The following MBD4 variants were observed in gnomAD, a reference collection of about 807,000 sequenced individuals.
The protein encoded by MBD4 is methyl-CpG-binding domain protein 4.
In MBD4, 53 loss-of-function variants were observed where a neutral mutation model predicts 60.2. The ratio of observed to expected loss-of-function variants is 0.88; its 90% CI spans 0.71 to 1.11. The LOEUF is 1.11. MBD4 is among the 50% of genes least tolerant of loss of function. The pLI, the probability that MBD4 is intolerant of heterozygous loss-of-function variation, is 0.00. For synonymous variants in MBD4, 231 were observed against 229.8 expected, an observed-to-expected ratio of 1.01 and a Z score of -0.05; for missense variants, 619 against 674.0, an observed-to-expected ratio of 0.92 and a Z score of 0.90.
chr3:129,433,668 TAA>T, intron 5 of MBD4, 180 bp downstream of exon 5: 1 of 665,494 alleles, frequency 1.5e-6, no homozygotes, highest in Non-Finnish European at 2.6e-6. Context: ...CTCTTTATTC[TAA>T]AAGGTCTGTT....
At chr3:129,439,674 C>G (rs1422231019) in intron 1 of MBD4, 56 bp downstream of exon 1, 2 of 1,102,774 alleles carry the variant, frequency 1.8e-6, no homozygotes, top group African/African-American at 3.1e-5. Context: ...TGTCCACTCT[C>G]CCGATACCAT....
At position 129,432,299 on chromosome 3, in the gene MBD4, G is replaced by A. The variant is rs374840393; in HGVS notation, c.1647+204C>T. 1.6e-5 allele frequency: 24 copies of A among 1,489,772 alleles called. No homozygotes were observed. The East Asian group carries it at 2.7e-4, about 17-fold the overall frequency. The allele number at this position is 1,489,772 out of a possible 1,614,324, so 92.3% of individuals were successfully genotyped here. A position where few individuals can be genotyped will look rare whatever the true frequency, so the allele number is the denominator to read the frequency against. On this transcript the variant is annotated intron_variant, in intron 7 of 7. Transcript: ENST00000429544. ...CTGGAGATGAGTCAGAGGCCACGCC[G>A]CTGGACTGGTCTTTGTGGACTTGGG...
chr3:129,439,304 A>G (rs564416762), intron 1 of MBD4, among the ~76,000 whole-genome samples: 11 of 152,354 alleles, frequency 7.2e-5, no homozygotes, highest in Admixed American at 2.6e-4. Flanking sequence ...TACCAGCTGT[A>G]AGTTTAGCAG....
chr3:129,437,007 G>A lies in MBD4; in HGVS notation c.637C>T (p.Leu213Phe). 1 of 1,614,094 alleles carries A rather than the reference G, an allele frequency of 6.2e-7. No homozygotes were observed. Reference sequence around the variant, plus strand: ...TCAACACCCTCATCTTCTTTCAAAAGCAAATGAGTGGAAGTAAAGTTAGAG... The same window carrying A: ...TCAACACCCTCATCTTCTTTCAAAAACAAATGAGTGGAAGTAAAGTTAGAG... ...GLSNFTSTHLLLKEDEGVDDV... is the reference protein window; with the variant it reads ...GLSNFTSTHLFLKEDEGVDDV... Residue 213 changes from leucine to phenylalanine, a missense_variant, in exon 3 of 8, where the codon CTT (leucine) becomes TTT (phenylalanine). Leu to Phe is a conservative substitution (Grantham distance 22). Coordinates refer to ENST00000429544, the MANE Select transcript of MBD4 (RefSeq NM_001276270.2).
In MBD4 at chr3:129,431,556, A is replaced by T. The variant is rs200758755; in HGVS notation, c.1670T>A (p.Leu557Ter). 5.4e-5 allele frequency: 87 copies of T among 1,612,848 alleles called. No homozygotes were observed. The highest frequency in any genetic ancestry group is 6.8e-5 in the Non-Finnish European group (80 of 1,179,752). Residue 557 changes from leucine to a stop codon, truncating the protein, a stop_gained, in exon 8 of 8, where the codon TTA (leucine) becomes TAA (stop). Transcript: ENST00000429544. LOFTEE classifies it high-confidence loss of function. ...CCAAAGCCAGTCATGATATTTATTTAATTTGTGGTCTTCAGGGTGCACCTG... is the reference window on the plus strand; with the variant it reads ...CCAAAGCCAGTCATGATATTTATTTTATTTGTGGTCTTCAGGGTGCACCTG... ...WKQVHPEDHK[L>*]NKYHDWLWEN...
intron 6 of MBD4, among the ~76,000 whole-genome samples, chr3:129,432,860 T>C (rs1366280609): frequency 6.6e-6 from 1 of 152,222 alleles, no homozygotes; most frequent in Admixed American, 6.5e-5. Flanking sequence ...GGCTTTCTGC[T>C]TCACTGACTT....
In MBD4 at chr3:129,433,899, A is replaced by T. The variant is rs1054351182; in HGVS notation, c.1344T>A (p.His448Gln). Residue 448 changes from histidine (H) to glutamine (Q), a missense_variant, in exon 5 of 8, where the codon CAT becomes CAA. Physicochemically the swap from His to Gln is conservative, Grantham distance 24. Coordinates refer to ENST00000429544, the MANE Select transcript of MBD4 (RefSeq NM_001276270.2). ...TAGCGATGAGAAGCTTCCATGGATC[A>T]TGAAAAAGTGTTTCTTGAACGAGAT... The part of the protein sequence containing the change: ...PFNLVQETLF[H>Q]DPWKLLIATI... The T allele has an allele frequency of 6.2e-7, 1 of 1,614,072 alleles. No individual in the cohort carries two copies. The highest frequency in any genetic ancestry group is 1.3e-5 in the African/African-American group (1 of 74,938).
chr3:129,437,964 G>A lies in MBD4; in HGVS notation c.105-14C>T. 1 of 1,480,176 alleles carries A rather than the reference G, an allele frequency of 6.8e-7. No individual in the cohort carries two copies. The highest frequency in any genetic ancestry group is 1.1e-5 in the South Asian group (1 of 88,274). The allele number at this position is 1,480,176 out of a possible 1,614,324, so 91.7% of individuals were successfully genotyped here. On this transcript the variant is annotated splice_polypyrimidine_tract_variant and intron_variant, in intron 1 of 7. Coordinates refer to ENST00000429544, the MANE Select transcript of MBD4 (RefSeq NM_001276270.2). ...ACATCTTCTTTGCTGGAAAAACAAA[G>A]TCTAAGTGATTAACTTATTTAAAAT...
In MBD4 at chr3:129,437,902, T is replaced by C; in HGVS notation, c.153A>G (p.Glu51=). 6.2e-7 allele frequency: 1 copy of C among 1,613,962 alleles called. No individual in the cohort carries two copies. Among genetic ancestry groups the C allele is most frequent in the South Asian group, 1.1e-5 (1 of 91,078 alleles). The change falls in exon 2 of 8, where the codon GAA becomes GAG. Residue 51 remains glutamate, a synonymous_variant. Coordinates refer to ENST00000429544, the MANE Select transcript of MBD4 (RefSeq NM_001276270.2). ...CACTGCTTCTTTTTATCATCATTTG[T>C]TCCTCATCTTCTCCCACTCTTTCCA... ...MELERVGEDE[E]QMMIKRSSEC...
At position 129,431,374 on chromosome 3, in the gene MBD4, A is replaced by T. The variant is rs1451509508; in HGVS notation, c.*127T>A. 2.6e-6 allele frequency: 2 copies of T among 756,584 alleles called. No homozygotes were observed. Among genetic ancestry groups the T allele is most frequent in the Non-Finnish European group, 2.4e-6 (1 of 424,746 alleles). 46.9% of individuals were successfully genotyped at this position (756,584 alleles called of 1,614,324 possible). A position where few individuals can be genotyped will look rare whatever the true frequency, so the allele number is the denominator to read the frequency against. ...CCATTGGCACACACATTAAGAAAGCACACACACTAGGCTTCTAGTTGGGCT... is the reference window on the plus strand; with the variant it reads ...CCATTGGCACACACATTAAGAAAGCTCACACACTAGGCTTCTAGTTGGGCT... On this transcript the variant is annotated 3_prime_UTR_variant, in exon 8 of 8. Transcript: ENST00000429544.
At chr3:129,431,613 T>A in intron 7 of MBD4, 35 bp from the exon 8 acceptor site, 1 of 1,423,536 alleles carries the variant, frequency 7.0e-7, no homozygotes, top group Non-Finnish European at 9.9e-7. Flanking sequence ...GCAGAGACCT[T>A]AATGTAACTT....
intron 1 of MBD4, among the ~76,000 whole-genome samples, chr3:129,438,311 A>C (rs2072529705): frequency 6.6e-6 from 1 of 152,236 alleles, no homozygotes; most frequent in African/African-American, 2.4e-5. Context: ...ATGCTTAAAT[A>C]AATCAGTGAG....
intron 1 of MBD4, among the ~76,000 whole-genome samples, chr3:129,438,742 G>A (rs67970798): frequency 0.13 from 19,893 of 148,852 alleles, 1,649 homozygotes; most frequent in South Asian, 0.24. Context: ...CCTCGTCTTT[G>A]CAAAAAATGA....
chr3:129,437,154 T>A lies in MBD4; in HGVS notation c.490A>T (p.Thr164Ser). Residue 164 changes from threonine to serine, a missense_variant, in exon 3 of 8, where the codon ACA becomes TCA. Physicochemically the swap from Thr to Ser is moderately conservative, Grantham distance 58. Transcript: ENST00000429544. ...TTACTTTGGTTTTGTAGATGGGATGTCAGGGCTGCCATGCTGCAGTCTTTA... is the reference window on the plus strand; with the variant it reads ...TTACTTTGGTTTTGTAGATGGGATGACAGGGCTGCCATGCTGCAGTCTTTA... ...RYKDCSMAALTSHLQNQSNNS... is the reference protein window; with the variant it reads ...RYKDCSMAALSSHLQNQSNNS... The A allele has an allele frequency of 6.2e-7, 1 of 1,614,076 alleles. No homozygotes were observed. Among genetic ancestry groups the A allele is most frequent in the Non-Finnish European group, 8.5e-7 (1 of 1,179,960 alleles).
intron 7 of MBD4, chr3:129,432,210 C>T (rs1046683713): frequency 5.0e-5 from 71 of 1,410,900 alleles, no homozygotes; most frequent in East Asian, 1.8e-4. Flanking sequence ...AGGAAAACCA[C>T]GTCAGGCTTA....
intron 1 of MBD4, 72 bp downstream of exon 1, chr3:129,439,658 A>C: frequency 1.0e-6 from 1 of 985,324 alleles, no homozygotes; most frequent in Non-Finnish European, 1.6e-6. Context: ...AGAAAGGCCC[A>C]CACACTGTCC....
At chr3:129,438,512 T>C (rs966095338) in intron 1 of MBD4, among the ~76,000 whole-genome samples, 9 of 152,136 alleles carry the variant, frequency 5.9e-5, no homozygotes, top group Non-Finnish European at 7.3e-5. Flanking sequence ...TACTCTCAAT[T>C]TATTGATAAA....
At chr3:129,437,442 G>A in intron 2 of MBD4, 134 bp from the exon 3 acceptor site, 1 of 735,522 alleles carries the variant, frequency 1.4e-6, no homozygotes. Flanking sequence ...ATGAAAAAGA[G>A]TGATAAATGG....
rs762115445 is a variant in MBD4, at chr3:129,433,877, C to T, written c.1366G>A (p.Ala456Thr). ...GAGGTCCGATTGAGAAATATAGTAG[C>T]GATGAGAAGCTTCCATGGATCATGA... ...LFHDPWKLLIATIFLNRTSGK... is the reference protein window; with the variant it reads ...LFHDPWKLLITTIFLNRTSGK... Residue 456 changes from alanine to threonine, a missense_variant, in exon 5 of 8, where the codon GCT becomes ACT. Coordinates refer to ENST00000429544, the MANE Select transcript of MBD4 (RefSeq NM_001276270.2). The T allele has an allele frequency of 4.3e-5, 70 of 1,613,894 alleles. No individual in the cohort carries two copies. Among genetic ancestry groups the T allele is most frequent in the Non-Finnish European group, 5.3e-5 (62 of 1,179,978 alleles).
Sources: gnomAD v4.1 joint callset for allele counts (sites outside exome capture counted in the v4.1 genomes callset) on GRCh38, gnomAD v4.1.1 for gene constraint, MANE v1.5 for transcripts, NCBI Gene and HGNC (gene_info 2026-07-23, HGNC 2026-07-21) for gene names.